SLC51A: variants seen among roughly 807,000 people sequenced by gnomAD.
SLC51A encodes solute carrier family 51 member A.
SLC51A carries 22 observed loss-of-function variants against 34.8 expected under a neutral mutation model. The observed-to-expected ratio is 0.63, with a 90% CI of 0.45 to 0.90. The LOEUF (loss-of-function observed/expected upper bound fraction) is 0.90. Ranked by LOEUF, SLC51A falls within the 40% of genes least tolerant of loss-of-function variation. The pLI, the probability that SLC51A is intolerant of heterozygous loss-of-function variation, is 0.00. For missense variants in SLC51A, 371 were observed against 414.8 expected (o/e 0.89, Z 0.92); for synonymous variants, 181 against 176.3 (o/e 1.03, Z -0.21).
At chr3:196,224,731 G>A (rs1320611302) in intron 2 of SLC51A, among the ~76,000 whole-genome samples, 1 of 112,054 alleles carries the variant, frequency 8.9e-6, no homozygotes, top group East Asian at 3.9e-4. Context: ...GAGGAGAGGG[G>A]AGGAGAGGGG....
chr3:196,228,902 C>T lies in SLC51A; in HGVS notation c.615C>T (p.Gly205=), dbSNP rs920166239. Residue 205 remains glycine, a synonymous_variant, in exon 6 of 9, where the codon GGC becomes GGT. Coordinates refer to ENST00000296327, the MANE Select transcript of SLC51A (RefSeq NM_152672.6). The surrounding 1 kb of genome is among the most constrained non-coding windows in gnomAD (Gnocchi z 4.9). The part of the protein sequence containing the change: ...TLVGLFLVPD[G]IYDPADISEG... Reference sequence around the variant, plus strand: ...TGGGCCTGTTTCTCGTCCCCGACGGCATCTATGACCCAGCAGACGTAAGCC... The same window carrying T: ...TGGGCCTGTTTCTCGTCCCCGACGGTATCTATGACCCAGCAGACGTAAGCC... 2 of 1,613,968 alleles carry T rather than the reference C, an allele frequency of 1.2e-6. No individual in the cohort carries two copies. Among genetic ancestry groups the T allele is most frequent in the Non-Finnish European group, 1.7e-6 (2 of 1,179,806 alleles).
At position 196,229,971 on chromosome 3, in the gene SLC51A, G is replaced by C. The variant is rs1261058994; in HGVS notation, c.690G>C (p.Leu230=). The C allele has an allele frequency of 6.2e-7, 1 of 1,613,848 alleles. No individual in the cohort carries two copies. The change falls in exon 7 of 9, where the codon CTG becomes CTC. Residue 230 remains leucine, a synonymous_variant. Transcript: ENST00000296327. The part of the protein sequence containing the change: ...WINTFLGVST[L]LALWTLGIIS... ...ACACTTTCCTTGGCGTGTCCACACT[G>C]CTGGCTCTCTGGACCCTGGGCATCA...
In SLC51A at chr3:196,227,178, A is replaced by G. The variant is rs763983868; in HGVS notation, c.288+59A>G. 25 of 1,567,714 alleles carry G rather than the reference A, an allele frequency of 1.6e-5. 1 individual carries two copies. In the South Asian group the frequency reaches 2.8e-4, roughly 18 times the overall value. On this transcript the variant is annotated intron_variant, in intron 3 of 8. Coordinates refer to ENST00000296327, the MANE Select transcript of SLC51A (RefSeq NM_152672.6). ...TGAAAAGAAGGCAGAGACCAAGGTG[A>G]GAATTCCTCTAAACTCAGCACGTCA... is the stretch of plus-strand genomic sequence containing the variant.
intron 3 of SLC51A, 74 bp from the exon 4 acceptor site, chr3:196,227,590 T>A: frequency 7.5e-7 from 1 of 1,331,022 alleles, no homozygotes; most frequent in Non-Finnish European, 1.1e-6. Context: ...GCCTCCTGTG[T>A]CCTTGCCGCA....
intron 2 of SLC51A, among the ~76,000 whole-genome samples, chr3:196,221,880 T>C (rs1424567766): frequency 6.6e-6 from 1 of 152,028 alleles, no homozygotes; most frequent in Middle Eastern, 3.4e-3. Context: ...CACACCCGGC[T>C]AATTTTTTGT....
rs566250432 is a variant in SLC51A at position 196,218,491 on chromosome 3, G to A, written c.133+555G>A. Among the ~76,000 whole-genome samples the A allele has an allele frequency of 2.6e-5, 4 of 152,316 alleles. No individual in the cohort carries two copies. The South Asian group carries it at 8.3e-4, about 32-fold the overall frequency. On this transcript the variant is annotated intron_variant, in intron 2 of 8. Coordinates refer to ENST00000296327, the MANE Select transcript of SLC51A (RefSeq NM_152672.6). ...TGGGTATTTGCCTCATTCCACCCCT[G>A]AGCTCTCAGGTGGACAGATGGGATT...
At chr3:196,221,558 G>T (rs540948169) in intron 2 of SLC51A, among the ~76,000 whole-genome samples, 1 of 151,826 alleles carries the variant, frequency 6.6e-6, no homozygotes, top group Non-Finnish European at 1.5e-5. Flanking sequence ...GAATCACTGC[G>T]CCCGGCCTTA....
intron 6 of SLC51A, among the ~76,000 whole-genome samples, chr3:196,229,689 T>TA (rs77390915): frequency 0.043 from 5,785 of 135,520 alleles, 308 homozygotes; most frequent in African/African-American, 0.12. Flanking sequence ...TCTCTATTAT[T>TA]AAAAAAAAAA....
At position 196,216,676 on chromosome 3, in the gene SLC51A, C is replaced by G; in HGVS notation, c.-37C>G. ...TGCCCGCCCCGCCTGCCCTTCCTCA[C>G]CCCGGTGCCTGCGGGATTGCTGGAG... On this transcript the variant is annotated 5_prime_UTR_variant, in exon 1 of 9. Coordinates refer to ENST00000296327, the MANE Select transcript of SLC51A (RefSeq NM_152672.6). This position sits in a 1 kb window ranked among gnomAD's most constrained non-coding sequence, Gnocchi z 4.5. 1 of 1,550,872 alleles carries G rather than the reference C, an allele frequency of 6.4e-7. No individual in the cohort carries two copies. The highest frequency in any genetic ancestry group is 8.7e-7 in the Non-Finnish European group (1 of 1,147,324).
In SLC51A at chr3:196,232,606, T is replaced by G. The variant is rs145771377; in HGVS notation, c.886+82T>G. On this transcript the variant is annotated intron_variant, in intron 8 of 8. Transcript: ENST00000296327. ...GAAAGAAGGGGCCCCAGAACAGACA[T>G]TAGGCCAGCCTGACTTCTGCTCAGA... 6.8e-4 allele frequency: 707 copies of G among 1,033,398 alleles called. 1 individual carries two copies. The African/African-American group carries it at 0.01, about 15-fold the overall frequency. The allele number at this position is 1,033,398 out of a possible 1,614,324, so 64.0% of individuals were successfully genotyped here.
In SLC51A at chr3:196,228,019, C is replaced by T; in HGVS notation, c.363-96C>T. On this transcript the variant is annotated intron_variant, in intron 4 of 8. Transcript: ENST00000296327. This position sits in a 1 kb window ranked among gnomAD's most constrained non-coding sequence, Gnocchi z 4.9. ...CTCTTGGGTCACACACCCAGAACGC[C>T]CAGCCCTAGCTCTGCTCCTCAGTAA... 4.6e-6 allele frequency: 7 copies of T among 1,514,666 alleles called. No individual in the cohort carries two copies. The highest frequency in any genetic ancestry group is 6.3e-6 in the Non-Finnish European group (7 of 1,119,314). The allele number at this position is 1,514,666 out of a possible 1,614,324, so 93.8% of individuals were successfully genotyped here. A position where few individuals can be genotyped will look rare whatever the true frequency, so the allele number is the denominator to read the frequency against.
intron 6 of SLC51A, among the ~76,000 whole-genome samples, chr3:196,229,159 C>T (rs967280774): frequency 6.6e-6 from 1 of 152,142 alleles, no homozygotes; most frequent in Admixed American, 6.6e-5. Flanking sequence ...TGCCATGATG[C>T]ATGGCTCACG....
Position 196,227,109 on chromosome 3 carries a change from C to A in SLC51A, c.278C>A (p.Ser93Ter). 1.2e-6 allele frequency: 2 copies of A among 1,613,778 alleles called. No individual in the cohort carries two copies. The highest frequency in any genetic ancestry group is 1.7e-6 in the Non-Finnish European group (2 of 1,180,006). Residue 93 changes from serine to a stop codon, truncating the protein, a stop_gained, in exon 3 of 9, where the codon TCG becomes TAG. Transcript: ENST00000296327. LOFTEE classifies it high-confidence loss of function. Reference sequence around the variant, plus strand: ...AGGCGGACTCTGCTCTGGAAGAGCTCGGCACCCACGGTGAGGCCCCCGGGG... The same window carrying A: ...AGGCGGACTCTGCTCTGGAAGAGCTAGGCACCCACGGTGAGGCCCCCGGGG... ...IKRRTLLWKSSAPTVVSVLCC... is the reference protein window; with the variant it reads ...IKRRTLLWKS
rs767391831 is a variant in SLC51A, at chr3:196,227,071, T to G, written c.240T>G (p.Leu80=). 39 of 1,613,948 alleles carry G rather than the reference T, an allele frequency of 2.4e-5. No individual in the cohort carries two copies. Among genetic ancestry groups the G allele is most frequent in the Non-Finnish European group, 3.3e-5 (39 of 1,180,032 alleles). Residue 80 remains leucine (L), a synonymous_variant, in exon 3 of 9, where the codon CTT becomes CTG. Transcript: ENST00000296327. The part of the protein sequence containing the change: ...EDAVYLYKNT[L]CPIKRRTLLW... ...CCGTCTACCTGTACAAGAACACCCT[T>G]TGCCCCATCAAGAGGCGGACTCTGC...
At position 196,229,959 on chromosome 3, in the gene SLC51A, C is replaced by T. The variant is rs756068315; in HGVS notation, c.678C>T (p.Gly226=). 1.9e-5 allele frequency: 30 copies of T among 1,613,332 alleles called. No homozygotes were observed. Among genetic ancestry groups the T allele is most frequent in the African/African-American group, 2.7e-5 (2 of 74,868 alleles). The change falls in exon 7 of 9, where the codon GGC becomes GGT. Residue 226 remains glycine (G), a synonymous_variant. Transcript: ENST00000296327. ...CTCTATGGATCAACACTTTCCTTGG[C>T]GTGTCCACACTGCTGGCTCTCTGGA... ...STALWINTFL[G]VSTLLALWTL...
chr3:196,228,406 G>C lies in SLC51A; in HGVS notation c.521+133G>C. Reference sequence around the variant, plus strand: ...CGGAAGGGTGGGCATCCCACGGCCAGGACCCACGGGCGCCACCCTCAGGGG... The same window carrying C: ...CGGAAGGGTGGGCATCCCACGGCCACGACCCACGGGCGCCACCCTCAGGGG... On this transcript the variant is annotated intron_variant, in intron 5 of 8. Transcript: ENST00000296327. This position sits in a 1 kb window ranked among gnomAD's most constrained non-coding sequence, Gnocchi z 4.9. 8.4e-7 allele frequency: 1 copy of C among 1,187,692 alleles called. No individual in the cohort carries two copies. Among genetic ancestry groups the C allele is most frequent in the Non-Finnish European group, 1.1e-6 (1 of 871,182 alleles). 73.6% of individuals were successfully genotyped at this position (1,187,692 alleles called of 1,614,324 possible).
In SLC51A at chr3:196,230,681, G is replaced by A. The variant is rs531170172; in HGVS notation, c.780+620G>A. Reference sequence around the variant, plus strand: ...GCATTTTTAGTAGAGACGGGGTTTCGCTATGTTGGCCAGGCTGGTCTCAAA... The same window carrying A: ...GCATTTTTAGTAGAGACGGGGTTTCACTATGTTGGCCAGGCTGGTCTCAAA... On this transcript the variant is annotated intron_variant, in intron 7 of 8. Transcript: ENST00000296327. Among the ~76,000 whole-genome samples, 14 of 151,912 alleles carry A rather than the reference G, an allele frequency of 9.2e-5. No individual in the cohort carries two copies. In the East Asian group the frequency reaches 2.5e-3, roughly 27 times the overall value.
chr3:196,228,492 C>A lies in SLC51A; in HGVS notation c.521+219C>A. 1 of 636,630 alleles carries A rather than the reference C, an allele frequency of 1.6e-6. No individual in the cohort carries two copies. The highest frequency in any genetic ancestry group is 2.7e-6 in the Non-Finnish European group (1 of 372,826). 39.4% of individuals were successfully genotyped at this position (636,630 alleles called of 1,614,324 possible). A position where few individuals can be genotyped will look rare whatever the true frequency, so the allele number is the denominator to read the frequency against. ...CATCACTGAACTTCACTGCACCCTGCAAGCCTTAGCCACACAGAGAAAACT... is the reference window on the plus strand; with the variant it reads ...CATCACTGAACTTCACTGCACCCTGAAAGCCTTAGCCACACAGAGAAAACT... On this transcript the variant is annotated intron_variant, in intron 5 of 8. Transcript: ENST00000296327. The surrounding 1 kb of genome is among the most constrained non-coding windows in gnomAD (Gnocchi z 4.9).
Position 196,227,676 on chromosome 3 carries a change from C to T in SLC51A, c.301C>T (p.Leu101=). Residue 101 remains leucine (L), a synonymous_variant, in exon 4 of 9, where the codon CTG becomes TTG. Coordinates refer to ENST00000296327, the MANE Select transcript of SLC51A (RefSeq NM_152672.6). Reference sequence around the variant, plus strand: ...CCCTTCTGAGCAGGTGGTGTCTGTGCTGTGCTGCTTTGGTCTCTGGATCCC... The same window carrying T: ...CCCTTCTGAGCAGGTGGTGTCTGTGTTGTGCTGCTTTGGTCTCTGGATCCC... ...KSSAPTVVSV[L]CCFGLWIPRS... 3 of 1,613,966 alleles carry T rather than the reference C, an allele frequency of 1.9e-6. No homozygotes were observed. Among genetic ancestry groups the T allele is most frequent in the Non-Finnish European group, 2.5e-6 (3 of 1,179,984 alleles).
Sources: allele counts gnomAD v4.1 joint callset (sites outside exome capture counted in the v4.1 genomes callset), GRCh38; gene constraint gnomAD v4.1.1; non-coding constraint Gnocchi (gnomAD v3.1); transcripts MANE v1.5; gene names NCBI Gene and HGNC (gene_info 2026-07-23, HGNC 2026-07-21).